Variants in AGPS observed in about 807,000 individuals in gnomAD.
The protein encoded by AGPS is alkylglycerone phosphate synthase, also known as alkyldihydroxyacetonephosphate synthase, peroxisomal.
Under a neutral mutation model 90.7 loss-of-function variants are expected in AGPS, and 26 were observed. That is an observed-to-expected ratio of 0.29 (90% CI 0.21 to 0.40). The LOEUF (loss-of-function observed/expected upper bound fraction) is 0.40. Ranked by LOEUF, AGPS falls within the 10% of genes least tolerant of loss-of-function variation. The pLI, the probability that AGPS is intolerant of heterozygous loss-of-function variation, is 1.00. For missense variants in AGPS, 540 were observed against 816.1 expected (o/e 0.66, Z 4.12); for synonymous variants, 294 against 285.3 (o/e 1.03, Z -0.31).
intron 1 of AGPS, among the ~76,000 whole-genome samples, chr2:177,405,358 A>G (rs1477333402): frequency 6.6e-6 from 1 of 152,372 alleles, no homozygotes; most frequent in East Asian, 1.9e-4. Context: ...AACTCTGGTT[A>G]TCATGCATTT....
chr2:177,497,099 G>A (rs1344515950), intron 12 of AGPS, among the ~76,000 whole-genome samples: 1 of 151,956 alleles, frequency 6.6e-6, no homozygotes, highest in Admixed American at 6.6e-5. Context: ...AGCTTAATCT[G>A]CAGGCAAAGA....
At chr2:177,494,163 A>G (rs1688347517) in intron 12 of AGPS, among the ~76,000 whole-genome samples, 1 of 152,234 alleles carries the variant, frequency 6.6e-6, no homozygotes, top group Non-Finnish European at 1.5e-5. Context: ...AATAAATACT[A>G]AAGGCAAAGA....
At position 177,543,473 on chromosome 2, in the gene AGPS, T is replaced by A. The variant is rs1329701082; in HGVS notation, c.*5278T>A. 1 of 152,234 alleles carries A rather than the reference T, an allele frequency of 6.6e-6. No individual in the cohort carries two copies. Among genetic ancestry groups the A allele is most frequent in the African/African-American group, 2.4e-5 (1 of 41,462 alleles). 9.4% of individuals were successfully genotyped at this position (152,234 alleles called of 1,614,324 possible). ...TATCCTGAGTCTTCCTCCAAGGCAG[T>A]ACATATTCCTGCCAGGACTGTAGTA... is the stretch of plus-strand genomic sequence containing the variant. On this transcript the variant is annotated 3_prime_UTR_variant, in exon 20 of 20. Transcript: ENST00000264167.
chr2:177,416,363 T>C (rs1405011104), intron 1 of AGPS, among the ~76,000 whole-genome samples: 2 of 152,230 alleles, frequency 1.3e-5, no homozygotes, highest in African/African-American at 4.8e-5. Context: ...ACCTTGTGCA[T>C]ATAGGATGCT....
chr2:177,507,954 G>A lies in AGPS; in HGVS notation c.1546-16G>A. On this transcript the variant is annotated splice_polypyrimidine_tract_variant and intron_variant, in intron 15 of 19. Transcript: ENST00000264167. Reference sequence around the variant, plus strand: ...TCTGTTGTAGTTTCTTGATTTTTCTGTTTGTGTCTTAATAGGACTTGGCTT... The same window carrying A: ...TCTGTTGTAGTTTCTTGATTTTTCTATTTGTGTCTTAATAGGACTTGGCTT... The A allele has an allele frequency of 6.3e-7, 1 of 1,596,636 alleles. No individual in the cohort carries two copies. The highest frequency in any genetic ancestry group is 1.7e-4 in the Middle Eastern group (1 of 6,026).
rs952935089 is a variant in AGPS at position 177,542,648 on chromosome 2, T to C, written c.*4453T>C. On this transcript the variant is annotated 3_prime_UTR_variant, in exon 20 of 20. Coordinates refer to ENST00000264167, the MANE Select transcript of AGPS (RefSeq NM_003659.4). ...TGGATTTCTAAGCAACATATATACA[T>C]GTTTTTAAGACAACCTTTTGTTGGC... 6.6e-6 allele frequency: 1 copy of C among 152,214 alleles called. No homozygotes were observed. Among genetic ancestry groups the C allele is most frequent in the Admixed American group, 6.5e-5 (1 of 15,284 alleles). 9.4% of individuals were successfully genotyped at this position (152,214 alleles called of 1,614,324 possible).
intron 1 of AGPS, among the ~76,000 whole-genome samples, chr2:177,403,127 G>A (rs1458765353): frequency 6.6e-6 from 1 of 152,128 alleles, no homozygotes; most frequent in Non-Finnish European, 1.5e-5. Context: ...TCTTCCATAT[G>A]CTAAGCACTG....
intron 1 of AGPS, among the ~76,000 whole-genome samples, chr2:177,404,197 A>G (rs954754776): frequency 6.6e-5 from 10 of 152,170 alleles, no homozygotes; most frequent in African/African-American, 2.4e-4. Context: ...TAGATGTTCT[A>G]GCCTGAGTCT....
intron 1 of AGPS, 105 bp downstream of exon 1, chr2:177,393,154 A>G (rs1574333093): frequency 6.5e-7 from 1 of 1,548,208 alleles, no homozygotes; most frequent in Admixed American, 2.0e-5. Flanking sequence ...GGGTGGGCGG[A>G]AGGCATCCCG....
Position 177,490,623 on chromosome 2 carries a change from A to T in AGPS, c.1234-2525A>T, listed in dbSNP as rs577824549. ...TATCAAGTTAAAAATCACACTCAAT[A>T]TAATTGAATATTAGTTGCTATATGA... On this transcript the variant is annotated intron_variant, in intron 11 of 19. Coordinates refer to ENST00000264167, the MANE Select transcript of AGPS (RefSeq NM_003659.4). Among the ~76,000 whole-genome samples, 12 of 152,292 alleles carry T rather than the reference A, an allele frequency of 7.9e-5. 1 individual carries two copies. In the East Asian group the frequency reaches 2.3e-3, roughly 29 times the overall value.
chr2:177,441,258 C>A, intron 6 of AGPS: 1 of 490,322 alleles, frequency 2.0e-6, no homozygotes. Flanking sequence ...CTCTATGGGC[C>A]CTAGTTGAAG....
At chr2:177,464,797 T>C (rs1687400443) in intron 9 of AGPS, among the ~76,000 whole-genome samples, 1 of 152,228 alleles carries the variant, frequency 6.6e-6, no homozygotes, top group African/African-American at 2.4e-5. Flanking sequence ...CATTCTTCAG[T>C]TATGAAGCAC....
chr2:177,525,845 A>C (rs1417950345), intron 19 of AGPS, among the ~76,000 whole-genome samples: 1 of 152,196 alleles, frequency 6.6e-6, no homozygotes, highest in African/African-American at 2.4e-5. Flanking sequence ...AAGTCCCTCT[A>C]ATAGTGTCTA....
chr2:177,514,240 A>G (rs1688961990), intron 17 of AGPS, among the ~76,000 whole-genome samples: 1 of 152,178 alleles, frequency 6.6e-6, no homozygotes, highest in Non-Finnish European at 1.5e-5. Context: ...AGAAATTATA[A>G]ATTATATACA....
chr2:177,429,374 TGGA>T (rs2105620157), intron 2 of AGPS, among the ~76,000 whole-genome samples: 1 of 152,332 alleles, frequency 6.6e-6, no homozygotes, highest in Admixed American at 6.5e-5. Context: ...TGTGGTCATT[TGGA>T]GGAGAAGAGG....
chr2:177,416,107 A>C (rs1381801800), intron 1 of AGPS, among the ~76,000 whole-genome samples: 1 of 152,190 alleles, frequency 6.6e-6, no homozygotes, highest in East Asian at 1.9e-4. Flanking sequence ...CAATGTAGAA[A>C]CCATGCATAT....
chr2:177,505,916 T>C (rs1162164065), intron 15 of AGPS, among the ~76,000 whole-genome samples: 1 of 151,948 alleles, frequency 6.6e-6, no homozygotes, highest in Non-Finnish European at 1.5e-5. Flanking sequence ...TAATAATCTG[T>C]TTTAATGATG....
At chr2:177,508,400 G>T (rs1283430040) in intron 16 of AGPS, among the ~76,000 whole-genome samples, 1 of 152,140 alleles carries the variant, frequency 6.6e-6, no homozygotes, top group African/African-American at 2.4e-5. Flanking sequence ...TATAAAACCA[G>T]TTAACTGTCC....
intron 8 of AGPS, among the ~76,000 whole-genome samples, chr2:177,459,923 C>A (rs1371190406): frequency 6.6e-6 from 1 of 152,184 alleles, no homozygotes; most frequent in East Asian, 1.9e-4. Flanking sequence ...CCCAAATGTC[C>A]ATCAATGATA....
Sources: gnomAD v4.1 joint callset for allele counts (sites outside exome capture counted in the v4.1 genomes callset) on GRCh38, gnomAD v4.1.1 for gene constraint, MANE v1.5 for transcripts, NCBI Gene and HGNC (gene_info 2026-07-23, HGNC 2026-07-21) for gene names.